ROBO2: variants seen among roughly 807,000 people sequenced by gnomAD.
The protein encoded by ROBO2 is roundabout homolog 2.
A neutral mutation model predicts 160.8 loss-of-function variants in ROBO2; 53 were observed. The ratio of observed to expected loss-of-function variants is 0.33; its 90% CI spans 0.26 to 0.41. The LOEUF (loss-of-function observed/expected upper bound fraction) is 0.41, where lower values mean the gene tolerates loss of function less well. ROBO2 is among the 10% of genes least tolerant of loss of function. The pLI, the probability that ROBO2 is intolerant of heterozygous loss-of-function variation, is 1.00. For missense variants in ROBO2, 1,577 were observed against 1,722.4 expected, an observed-to-expected ratio of 0.92 and a Z score of 1.49; for synonymous variants, 664 against 611.7, an observed-to-expected ratio of 1.09 and a Z score of -1.26.
intron 2 of ROBO2, among the ~76,000 whole-genome samples, chr3:77,415,075 T>C (rs2077102304): frequency 6.6e-6 from 1 of 152,162 alleles, no homozygotes; most frequent in Non-Finnish European, 1.5e-5. Context: ...ATATTTAACA[T>C]TAGGGACATC....
intron 2 of ROBO2, among the ~76,000 whole-genome samples, chr3:76,101,254 A>G (rs2069671241): frequency 1.3e-5 from 2 of 152,178 alleles, no homozygotes; most frequent in African/African-American, 4.8e-5. Flanking sequence ...GTTAATCAAT[A>G]TTATCATCAT....
intron 2 of ROBO2, among the ~76,000 whole-genome samples, chr3:76,570,386 C>A (rs1191175447): frequency 6.6e-6 from 1 of 152,148 alleles, no homozygotes; most frequent in African/African-American, 2.4e-5. Context: ...AGTCTAGACA[C>A]ATTTAAGTAA....
intron 2 of ROBO2, among the ~76,000 whole-genome samples, chr3:77,373,942 C>T (rs932875793): frequency 1.3e-5 from 2 of 149,602 alleles, no homozygotes; most frequent in African/African-American, 4.9e-5. Flanking sequence ...GAGGGAGAGG[C>T]GGGGAGGATC....
At chr3:76,979,757 AC>A (rs1361138921) in intron 2 of ROBO2, among the ~76,000 whole-genome samples, 2 of 152,002 alleles carry the variant, frequency 1.3e-5, no homozygotes, top group East Asian at 3.9e-4. Flanking sequence ...ACACACACAC[AC>A]ACACACACAC....
At chr3:76,741,940 T>A (rs1011664991) in intron 2 of ROBO2, among the ~76,000 whole-genome samples, 1 of 152,196 alleles carries the variant, frequency 6.6e-6, no homozygotes, top group East Asian at 1.9e-4. Context: ...TTATAAGAGT[T>A]ATGTCTATAG....
At chr3:77,047,691 A>T (rs1289960183) in intron 1 of ROBO2, among the ~76,000 whole-genome samples, 3 of 148,706 alleles carry the variant, frequency 2.0e-5, no homozygotes, top group Non-Finnish European at 3.0e-5. Context: ...GTCTCAAAAA[A>T]ATATATATAA....
intron 2 of ROBO2, among the ~76,000 whole-genome samples, chr3:75,985,977 G>T (rs2065402414): frequency 6.6e-6 from 1 of 151,558 alleles, no homozygotes; most frequent in African/African-American, 2.4e-5. Flanking sequence ...TTCCATTTTA[G>T]CTATTGTGAA....
chr3:76,566,046 T>G (rs142577591), intron 2 of ROBO2, among the ~76,000 whole-genome samples: 6 of 152,240 alleles, frequency 3.9e-5, no homozygotes, highest in Non-Finnish European at 8.8e-5. Context: ...GAAATCAAAG[T>G]CTCTTCTCCA....
chr3:76,919,047 GT>G (rs764443111), intron 2 of ROBO2, among the ~76,000 whole-genome samples: 5 of 151,544 alleles, frequency 3.3e-5, no homozygotes, highest in Admixed American at 1.3e-4. Context: ...ATTTGCTTGA[GT>G]TCTTTGTAAA....
intron 2 of ROBO2, among the ~76,000 whole-genome samples, chr3:76,985,114 G>A (rs1018204908): frequency 6.6e-6 from 1 of 151,830 alleles, no homozygotes; most frequent in East Asian, 1.9e-4. Flanking sequence ...TCTCTTTAAG[G>A]TTTGACCTCT....
intron 5 of ROBO2, among the ~76,000 whole-genome samples, chr3:77,520,242 A>C (rs945972740): frequency 6.6e-6 from 1 of 151,368 alleles, no homozygotes; most frequent in Non-Finnish European, 1.5e-5. Flanking sequence ...TAAAAATTAA[A>C]CTATTTTCTT....
At chr3:75,924,053 A>T (rs1358354326) in intron 1 of ROBO2, among the ~76,000 whole-genome samples, 2 of 152,208 alleles carry the variant, frequency 1.3e-5, no homozygotes, top group East Asian at 3.8e-4. Context: ...TTTTTAGATA[A>T]ATCATTATAA....
At position 76,495,229 on chromosome 3, in the gene ROBO2, T is replaced by TTA. The variant is rs1553773938; in HGVS notation, c.109+557627_109+557628insTA. Reference sequence around the variant, plus strand: ...CTTCATTTCCTTTTTTTTTTTTTTTTATCTGATTCTGGAGTTTAAGACACA... The same window carrying TTA: ...CTTCATTTCCTTTTTTTTTTTTTTTTTAATCTGATTCTGGAGTTTAAGACACA... On this transcript the variant is annotated intron_variant, in intron 2 of 26. Transcript: ENST00000487694. Among the ~76,000 whole-genome samples the TTA allele has an allele frequency of 2.4e-4, 36 of 150,358 alleles. 1 individual carries two copies. Among genetic ancestry groups the TTA allele is most frequent in the African/African-American group, 8.4e-4 (34 of 40,500 alleles).
At chr3:77,596,855 C>A in intron 19 of ROBO2, 105 bp downstream of exon 20, 1 of 1,327,412 alleles carries the variant, frequency 7.5e-7, no homozygotes, top group Non-Finnish European at 1.1e-6. Context: ...AGTATTTACT[C>A]CCATAATTAA....
chr3:77,291,838 G>A (rs1270712300), intron 2 of ROBO2, among the ~76,000 whole-genome samples: 15 of 151,584 alleles, frequency 9.9e-5, no homozygotes, highest in East Asian at 1.9e-4. Flanking sequence ...ATGGTTAAAC[G>A]GGTAAGCTGA....
chr3:77,247,671 T>C (rs2089884317), intron 2 of ROBO2, among the ~76,000 whole-genome samples: 1 of 152,218 alleles, frequency 6.6e-6, no homozygotes, highest in South Asian at 2.1e-4. Flanking sequence ...AGGCACTAGA[T>C]TGACAATTTT....
intron 2 of ROBO2, among the ~76,000 whole-genome samples, chr3:76,840,136 C>G (rs1469406438): frequency 6.6e-6 from 1 of 151,576 alleles, no homozygotes; most frequent in Admixed American, 6.6e-5. Context: ...CAAAACCCAA[C>G]TTTTTGTTTC....
intron 16 of ROBO2, among the ~76,000 whole-genome samples, chr3:77,581,851 A>G (rs888785416): frequency 6.6e-6 from 1 of 152,114 alleles, no homozygotes; most frequent in Admixed American, 6.6e-5. Context: ...CTGGAAATCT[A>G]TTGTAATTAT....
At chr3:76,704,583 A>G (rs551253471) in intron 2 of ROBO2, among the ~76,000 whole-genome samples, 1 of 152,264 alleles carries the variant, frequency 6.6e-6, no homozygotes, top group Non-Finnish European at 1.5e-5. Flanking sequence ...AATAGAAAGT[A>G]CCATATATCA....
Sources: allele counts gnomAD v4.1 joint callset (sites outside exome capture counted in the v4.1 genomes callset), GRCh38; gene constraint gnomAD v4.1.1; transcripts MANE v1.5; gene names NCBI Gene and HGNC (gene_info 2026-07-23, HGNC 2026-07-21).